The following DYSF variants were observed in gnomAD, a reference collection of about 807,000 sequenced individuals.
DYSF encodes the protein dystrophy-associated fer-1-like 1.
A neutral mutation model predicts 274.9 loss-of-function variants in DYSF; 212 were observed. The observed-to-expected ratio is 0.77, with a 90% CI of 0.69 to 0.86. DYSF has a LOEUF of 0.86. Among genes scored for constraint, DYSF ranks in the 40% least tolerant of loss-of-function variants. The pLI, the probability that DYSF is intolerant of heterozygous loss-of-function variation, is 0.00. For synonymous variants in DYSF, 1,091 were observed against 1,078.7 expected, an observed-to-expected ratio of 1.01 and a Z score of -0.22; for missense variants, 2,666 against 2,783.2, an observed-to-expected ratio of 0.96 and a Z score of 0.95.
intron 32 of DYSF, among the ~76,000 whole-genome samples, chr2:71,593,764 C>G (rs1030183577): frequency 1.3e-5 from 2 of 152,148 alleles, no homozygotes; most frequent in African/African-American, 4.8e-5. Context: ...GTAGAGCTGC[C>G]CGCCCAGATG....
At chr2:71,673,377 C>T (rs967834978) in intron 51 of DYSF, among the ~76,000 whole-genome samples, 5 of 152,130 alleles carry the variant, frequency 3.3e-5, no homozygotes, top group Non-Finnish European at 7.3e-5. Context: ...TCCAGGCGAG[C>T]TGGTCTGAGG....
intron 3 of DYSF, among the ~76,000 whole-genome samples, chr2:71,487,361 T>A (rs540915755): frequency 2.0e-5 from 3 of 151,266 alleles, no homozygotes; most frequent in East Asian, 3.9e-4. Flanking sequence ...AAAAAAAAAA[T>A]AAGTGTCTGA....
intron 41 of DYSF, among the ~76,000 whole-genome samples, chr2:71,631,728 C>T (rs368754576): frequency 3.1e-4 from 47 of 152,198 alleles, no homozygotes; most frequent in South Asian, 1.0e-3. Context: ...TCTCCTGTTA[C>T]GGGGGCTGGA....
At chr2:71,456,279 T>G (rs946019115) in intron 1 of DYSF, among the ~76,000 whole-genome samples, 1 of 152,112 alleles carries the variant, frequency 6.6e-6, no homozygotes, top group Non-Finnish European at 1.5e-5. Context: ...CCCCCACCCC[T>G]GGTCATCACT....
intron 45 of DYSF, among the ~76,000 whole-genome samples, chr2:71,662,887 C>G (rs911267981): frequency 2.4e-5 from 1 of 41,038 alleles, no homozygotes; most frequent in Non-Finnish European, 6.4e-5. Flanking sequence ...TGTGTGTGTA[C>G]GTGAGTACAT....
intron 36 of DYSF, among the ~76,000 whole-genome samples, chr2:71,604,656 G>A (rs1016836777): frequency 2.6e-5 from 4 of 152,200 alleles, no homozygotes; most frequent in Non-Finnish European, 5.9e-5. Flanking sequence ...CAGTAGGAAC[G>A]GATGGGGCAA....
intron 36 of DYSF, among the ~76,000 whole-genome samples, chr2:71,609,205 C>T (rs1200592319): frequency 3.3e-5 from 5 of 152,212 alleles, no homozygotes; most frequent in Non-Finnish European, 7.3e-5. Context: ...TTCATGTGGA[C>T]TGTGACATGC....
chr2:71,486,365 A>G (rs555525258), intron 3 of DYSF, among the ~76,000 whole-genome samples: 1 of 145,048 alleles, frequency 6.9e-6, no homozygotes, highest in South Asian at 2.3e-4. Flanking sequence ...ACAGCCTGTC[A>G]CTCTGTCTCT....
At chr2:71,605,674 C>T (rs758280238) in intron 36 of DYSF, among the ~76,000 whole-genome samples, 4 of 152,058 alleles carry the variant, frequency 2.6e-5, no homozygotes, top group Non-Finnish European at 5.9e-5. Flanking sequence ...CACCAGATAC[C>T]ACTCCATCCA....
chr2:71,460,567 A>G (rs555994555), intron 1 of DYSF, among the ~76,000 whole-genome samples: 2 of 152,284 alleles, frequency 1.3e-5, no homozygotes, highest in South Asian at 2.1e-4. Context: ...AGGAAGCCCT[A>G]TTGAGTTACT....
Position 71,667,507 on chromosome 2 carries a change from A to G in DYSF, c.5449A>G (p.Ile1817Val), listed in dbSNP as rs766235171. ...RPLYSPLQPD[I>V]EQGKLQMWVD... ...CCTCTACAGCCCCCTGCAGCCAGAC[A>G]TCGAGCAGGTAGGACCTTGACCCTT... The change falls in exon 48 of 56, where the codon ATC becomes GTC. Residue 1817 changes from isoleucine to valine, a missense_variant. Around this residue, in one of 3 missense-constraint regions of DYSF, gnomAD observed 1,460 missense variants for 1,502.1 expected, o/e 0.97. Transcript: ENST00000410020. The G allele has an allele frequency of 3.1e-6, 5 of 1,614,114 alleles. No homozygotes were observed. Among genetic ancestry groups the G allele is most frequent in the Non-Finnish European group, 4.2e-6 (5 of 1,180,006 alleles).
At chr2:71,657,933 C>G (rs2094803569) in intron 43 of DYSF, among the ~76,000 whole-genome samples, 2 of 152,306 alleles carry the variant, frequency 1.3e-5, no homozygotes, top group South Asian at 4.1e-4. Context: ...ACATTAGGCT[C>G]CTTGCTACTT....
chr2:71,514,005 T>G, intron 7 of DYSF, 84 bp downstream of exon 7: 1 of 1,519,384 alleles, frequency 6.6e-7, no homozygotes, highest in Non-Finnish European at 9.1e-7. Flanking sequence ...TTGTCCAGCT[T>G]CAGGGGAAGA....
chr2:71,577,295 C>G (rs1169241813), intron 30 of DYSF, among the ~76,000 whole-genome samples: 2 of 151,498 alleles, frequency 1.3e-5, no homozygotes, highest in South Asian at 2.1e-4. Flanking sequence ...ACAACACACT[C>G]TGTTACACGA....
intron 40 of DYSF, among the ~76,000 whole-genome samples, chr2:71,618,302 GGT>G (rs1372076486): frequency 5.9e-5 from 7 of 118,970 alleles, no homozygotes; most frequent in African/African-American, 2.4e-4. Context: ...GTGTGGTAGA[GGT>G]GGTGTGTGTG....
chr2:71,503,588 G>A (rs1034337389), intron 4 of DYSF, among the ~76,000 whole-genome samples: 3 of 152,222 alleles, frequency 2.0e-5, no homozygotes, highest in Non-Finnish European at 2.9e-5. Context: ...TGGTGCTGCC[G>A]GTCTGGCCAC....
chr2:71,527,655 T>G (rs543247734), intron 13 of DYSF, among the ~76,000 whole-genome samples: 3 of 152,364 alleles, frequency 2.0e-5, no homozygotes, highest in Admixed American at 1.3e-4. Context: ...GCCTTTTGTA[T>G]TCATGTAGTT....
intron 30 of DYSF, among the ~76,000 whole-genome samples, chr2:71,589,170 G>A (rs2093170091): frequency 6.6e-6 from 1 of 152,174 alleles, no homozygotes; most frequent in Non-Finnish European, 1.5e-5. Context: ...TTGGGACCCA[G>A]CTCGATGTTA....
At chr2:71,487,320 C>A (rs1397693443) in intron 3 of DYSF, among the ~76,000 whole-genome samples, 1 of 152,138 alleles carries the variant, frequency 6.6e-6, no homozygotes, top group East Asian at 1.9e-4. Flanking sequence ...TGTTTCCAAC[C>A]TGGCTGCATC....
Sources: allele counts gnomAD v4.1 joint callset (sites outside exome capture counted in the v4.1 genomes callset), GRCh38; gene constraint gnomAD v4.1.1; regional missense constraint gnomAD v4.1.1; transcripts MANE v1.5; gene names NCBI Gene and HGNC (gene_info 2026-07-23, HGNC 2026-07-21).